The following TTC27 variants were observed in gnomAD, a reference collection of about 807,000 sequenced individuals.
TTC27 encodes the protein tetratricopeptide repeat protein 27.
In TTC27, 79 loss-of-function variants were observed where a neutral mutation model predicts 115.9. That is an observed-to-expected ratio of 0.68 (90% confidence interval 0.57 to 0.82). The LOEUF (loss-of-function observed/expected upper bound fraction) is 0.82. TTC27 is among the 40% of genes least tolerant of loss of function. The pLI, the probability that TTC27 is intolerant of heterozygous loss-of-function variation, is 0.00. For synonymous variants in TTC27, 401 were observed against 356.0 expected, an observed-to-expected ratio of 1.13 and a Z score of -1.42; for missense variants, 1,054 against 993.1, an observed-to-expected ratio of 1.06 and a Z score of -0.82.
intron 13 of TTC27, among the ~76,000 whole-genome samples, chr2:32,768,091 G>A (rs557691812): frequency 2.6e-5 from 4 of 152,220 alleles, no homozygotes; most frequent in South Asian, 4.1e-4. Flanking sequence ...ACTGATTAAA[G>A]CATATGAATG....
chr2:32,703,986 C>G (rs772933224), intron 10 of TTC27, among the ~76,000 whole-genome samples: 1 of 152,146 alleles, frequency 6.6e-6, no homozygotes. Flanking sequence ...TGTTCTCATA[C>G]GACAGAAGAG....
At position 32,804,890 on chromosome 2, in the gene TTC27, G is replaced by T. The variant is rs537763105; in HGVS notation, c.1999-6134G>T. ...TAAATTTTGTATTAGCTCTGACATG[G>T]GGGAAATTCTAATTTTAAAAAAAAA... On this transcript the variant is annotated intron_variant, in intron 16 of 19. Coordinates refer to ENST00000317907, the MANE Select transcript of TTC27 (RefSeq NM_017735.5). 7.9e-5 allele frequency among the ~76,000 whole-genome samples: 12 copies of T among 152,080 alleles called. No individual in the cohort carries two copies. In the South Asian group the frequency reaches 2.5e-3, roughly 32 times the overall value.
At chr2:32,708,378 CT>C (rs1572535619) in intron 10 of TTC27, among the ~76,000 whole-genome samples, 1 of 126,228 alleles carries the variant, frequency 7.9e-6, no homozygotes, top group East Asian at 2.7e-4. Flanking sequence ...GTGGCACAAT[CT>C]TGGCTCACTA....
chr2:32,734,011 T>G, intron 11 of TTC27, 88 bp downstream of exon 11: 1 of 895,044 alleles, frequency 1.1e-6, no homozygotes, highest in Non-Finnish European at 1.7e-6. Flanking sequence ...AATTTATGTT[T>G]GAATTTTCAA....
At chr2:32,753,190 A>G (rs1478225054) in intron 12 of TTC27, among the ~76,000 whole-genome samples, 4 of 152,076 alleles carry the variant, frequency 2.6e-5, no homozygotes, top group Non-Finnish European at 2.9e-5. Context: ...CATGATGACT[A>G]CAGGGAGTAG....
rs371321470 is a variant in TTC27, at chr2:32,779,139, C to G, written c.1779+1159C>G. On this transcript the variant is annotated intron_variant, in intron 14 of 19. Coordinates refer to ENST00000317907, the MANE Select transcript of TTC27 (RefSeq NM_017735.5). ...TCAGGAGGCTGAGGCGGGAGAATCACTTGAACCTGGGAGGCGGAGGTCGCA... is the reference window on the plus strand; with the variant it reads ...TCAGGAGGCTGAGGCGGGAGAATCAGTTGAACCTGGGAGGCGGAGGTCGCA... Among the ~76,000 whole-genome samples the G allele has an allele frequency of 4.7e-3, 716 of 152,240 alleles. 2 individuals carry two copies. Among genetic ancestry groups the G allele is most frequent in the Middle Eastern group, 0.01 (3 of 294 alleles).
At chr2:32,726,951 A>T (rs1668129584) in intron 10 of TTC27, among the ~76,000 whole-genome samples, 1 of 152,170 alleles carries the variant, frequency 6.6e-6, no homozygotes. Flanking sequence ...ACTCCACTTT[A>T]TAAAACCATA....
chr2:32,690,076 TGAATC>T (rs1207172221), intron 9 of TTC27, among the ~76,000 whole-genome samples: 1 of 152,208 alleles, frequency 6.6e-6, no homozygotes, highest in Non-Finnish European at 1.5e-5. Context: ...GAAACTGACT[TGAATC>T]AAGACAGTGT....
intron 8 of TTC27, among the ~76,000 whole-genome samples, chr2:32,677,036 C>T (rs1260180058): frequency 6.6e-6 from 1 of 151,842 alleles, no homozygotes; most frequent in African/African-American, 2.4e-5. Context: ...TAATGTTTGT[C>T]ATTTTCTTGC....
chr2:32,779,851 T>G (rs1670115782), intron 14 of TTC27, among the ~76,000 whole-genome samples: 2 of 152,232 alleles, frequency 1.3e-5, no homozygotes, highest in African/African-American at 4.8e-5. Flanking sequence ...TCCAACTTCA[T>G]TCTTTTACAT....
intron 16 of TTC27, among the ~76,000 whole-genome samples, chr2:32,802,881 T>G (rs1312815372): frequency 2.0e-5 from 3 of 152,242 alleles, no homozygotes; most frequent in African/African-American, 7.2e-5. Flanking sequence ...TTACAAGATT[T>G]TCTGCACATG....
Position 32,630,610 on chromosome 2 carries a change from C to T in TTC27, c.176C>T (p.Thr59Ile), listed in dbSNP as rs188369660. 9.3e-6 allele frequency: 15 copies of T among 1,613,620 alleles called. No homozygotes were observed. The highest frequency in any genetic ancestry group is 8.5e-7 in the Non-Finnish European group (1 of 1,179,782). ...NSMTQNIFNS[T>I]TTAEEKIDSY... ...ATGACTCAAAATATTTTTAATTCAA[C>T]AACAACCGCTGAAGAAAAGATTGAT... The change falls in exon 2 of 20, where the codon ACA (threonine) becomes ATA (isoleucine). Residue 59 changes from threonine (T) to isoleucine (I), a missense_variant. Thr to Ile is a moderately conservative substitution (Grantham distance 89, BLOSUM62 -1). Coordinates refer to ENST00000317907, the MANE Select transcript of TTC27 (RefSeq NM_017735.5).
intron 16 of TTC27, among the ~76,000 whole-genome samples, chr2:32,808,231 A>C (rs1045972407): frequency 6.6e-6 from 1 of 151,832 alleles, no homozygotes; most frequent in African/African-American, 2.4e-5. Flanking sequence ...CACTACGCCC[A>C]ACCTACTTGC....
intron 16 of TTC27, among the ~76,000 whole-genome samples, chr2:32,794,202 C>T (rs899019246): frequency 4.6e-5 from 7 of 152,144 alleles, no homozygotes; most frequent in East Asian, 3.9e-4. Flanking sequence ...TATGATAGAT[C>T]GCAAATTAAG....
At chr2:32,745,643 G>T (rs1269533997) in intron 12 of TTC27, among the ~76,000 whole-genome samples, 2 of 149,536 alleles carry the variant, frequency 1.3e-5, no homozygotes, top group Non-Finnish European at 3.0e-5. Flanking sequence ...CAGAGAGACA[G>T]TTTTTTTTTG....
At chr2:32,689,073 C>G (rs1321939912) in intron 9 of TTC27, among the ~76,000 whole-genome samples, 1 of 152,082 alleles carries the variant, frequency 6.6e-6, no homozygotes, top group Non-Finnish European at 1.5e-5. Context: ...ATGGATGAAT[C>G]TCAGACACAT....
intron 13 of TTC27, among the ~76,000 whole-genome samples, chr2:32,767,453 G>GTTTTTTT (rs397754905): frequency 1.2e-4 from 14 of 114,248 alleles, no homozygotes; most frequent in Non-Finnish European, 1.7e-4. Context: ...GTTTTTTTTT[G>GTTTTTTT]TTTTTTTTTT....
chr2:32,642,247 ATTTTTTTTTTTTT>A (rs10634857), intron 4 of TTC27, among the ~76,000 whole-genome samples: 1 of 102,154 alleles, frequency 9.8e-6, no homozygotes, highest in African/African-American at 3.8e-5. Flanking sequence ...TATACACTAA[ATTTTTTTTTTTTT>A]TTTTTTTTTG....
chr2:32,703,195 G>A (rs576449659), intron 10 of TTC27, among the ~76,000 whole-genome samples: 7 of 152,292 alleles, frequency 4.6e-5, no homozygotes, highest in South Asian at 2.1e-4. Flanking sequence ...TAGGCTGGGC[G>A]CGGTGGCTCA....
Sources: gnomAD v4.1 joint callset for allele counts (sites outside exome capture counted in the v4.1 genomes callset) on GRCh38, gnomAD v4.1.1 for gene constraint, MANE v1.5 for transcripts, NCBI Gene and HGNC (gene_info 2026-07-23, HGNC 2026-07-21) for gene names.